EEPD1: variants seen among roughly 807,000 people sequenced by gnomAD.
EEPD1 encodes the protein endonuclease/exonuclease/phosphatase family domain-containing protein 1.
Under a neutral mutation model 46.3 loss-of-function variants are expected in EEPD1, and 17 were observed. That is an observed-to-expected ratio of 0.37 (90% CI 0.25 to 0.55). The LOEUF (loss-of-function observed/expected upper bound fraction) is 0.55. Among genes scored for constraint, EEPD1 ranks in the 20% least tolerant of loss-of-function variants. The pLI is 0.83. For synonymous variants in EEPD1, 313 were observed against 315.6 expected, an observed-to-expected ratio of 0.99 and a Z score of 0.09; for missense variants, 673 against 745.6, an observed-to-expected ratio of 0.90 and a Z score of 1.13.
In EEPD1 at chr7:36,299,358, C is replaced by T. The variant is rs2241142; in HGVS notation, c.*152C>T. 67,293 of 929,552 alleles carry T rather than the reference C, an allele frequency of 0.072. 3,265 individuals carry two copies. The highest frequency in any genetic ancestry group is 0.2 in the East Asian group (7,618 of 37,866). 57.6% of individuals were successfully genotyped at this position (929,552 alleles called of 1,614,324 possible). ...CCTTGCCCCACGCCTTCTCTGTGGA[C>T]CATTCAGGACCTCCAGTGGGGGTGG... On this transcript the variant is annotated 3_prime_UTR_variant, in exon 8 of 8. Coordinates refer to ENST00000242108, the MANE Select transcript of EEPD1 (RefSeq NM_030636.3).
intron 2 of EEPD1, among the ~76,000 whole-genome samples, chr7:36,175,525 C>G (rs970522201): frequency 2.8e-4 from 43 of 151,988 alleles, no homozygotes; most frequent in Middle Eastern, 3.2e-3. Context: ...AACCATTGTG[C>G]CTGACCCTGA....
At chr7:36,287,571 G>C in intron 5 of EEPD1, 68 bp from the exon 6 acceptor site, 1 of 1,555,422 alleles carries the variant, frequency 6.4e-7, no homozygotes, top group Non-Finnish European at 8.7e-7. Context: ...TTTATGAGTC[G>C]GTTGTAACGG....
intron 2 of EEPD1, among the ~76,000 whole-genome samples, chr7:36,157,791 A>T (rs190255837): frequency 1.3e-5 from 2 of 152,270 alleles, no homozygotes; most frequent in Admixed American, 1.3e-4. Context: ...CTTTGTCTGT[A>T]TGACTGTCCT....
At chr7:36,190,971 GGTCACTGACCTCTTC>G in intron 2 of EEPD1, among the ~76,000 whole-genome samples, 1 of 152,142 alleles carries the variant, frequency 6.6e-6, no homozygotes, top group African/African-American at 2.4e-5. Flanking sequence ...AGTCACTATC[GGTCACTGACCTCTTC>G]CCCAGAAAAG....
chr7:36,257,831 C>G (rs912257280), intron 3 of EEPD1, among the ~76,000 whole-genome samples: 10 of 152,288 alleles, frequency 6.6e-5, no homozygotes, highest in African/African-American at 2.4e-4. Flanking sequence ...TCTGTCAGTT[C>G]GTCAAACTCA....
At chr7:36,260,040 T>C in intron 3 of EEPD1, among the ~76,000 whole-genome samples, 1 of 152,248 alleles carries the variant, frequency 6.6e-6, no homozygotes, top group Non-Finnish European at 1.5e-5. Flanking sequence ...CTATGTATTA[T>C]AGGCCCAGCA....
At chr7:36,247,765 A>G (rs894380511) in intron 3 of EEPD1, among the ~76,000 whole-genome samples, 4 of 152,184 alleles carry the variant, frequency 2.6e-5, no homozygotes, top group Non-Finnish European at 4.4e-5. Context: ...TTTAATCTGA[A>G]CATCAGCCTT....
rs1784779095 is a variant in EEPD1, at chr7:36,154,385, AGCC to A, written c.64_66del (p.Arg22del). ...CAGGGACCCCTCGGACCTGTCCCAT[AGCC>A]GCAAGTTCAGCGCAGCCTGTAACTT... On this transcript the variant is annotated inframe_deletion, in exon 2 of 8. Transcript: ENST00000242108. This position sits in a 1 kb window ranked among gnomAD's most constrained non-coding sequence, Gnocchi z 4.2. The A allele has an allele frequency of 1.2e-6, 2 of 1,613,796 alleles. No individual in the cohort carries two copies. The highest frequency in any genetic ancestry group is 1.7e-6 in the Non-Finnish European group (2 of 1,180,042).
intron 3 of EEPD1, among the ~76,000 whole-genome samples, chr7:36,262,246 G>A (rs1322983667): frequency 6.6e-6 from 1 of 152,126 alleles, no homozygotes; most frequent in Non-Finnish European, 1.5e-5. Context: ...AGGGTGAAGT[G>A]CGGAGGATTG....
At position 36,155,072 on chromosome 7, in the gene EEPD1, G is replaced by T; in HGVS notation, c.748G>T (p.Ala250Ser). The T allele has an allele frequency of 1.3e-6, 2 of 1,590,704 alleles. No homozygotes were observed. Among genetic ancestry groups the T allele is most frequent in the Non-Finnish European group, 8.6e-7 (1 of 1,166,968 alleles). The stretch of plus-strand genomic sequence containing the variant: ...TATCTCCACTCGGCCGTCCGTGGAG[G>T]CCTTTGGAGGCACAAGGGATGGGAG... The part of the protein sequence containing the change: ...QIISTRPSVE[A>S]FGGTRDGRPV... The change falls in exon 2 of 8, where the codon GCC becomes TCC. Residue 250 changes from alanine to serine, a missense_variant. Physicochemically the swap from Ala to Ser is moderately conservative, Grantham distance 99. Transcript: ENST00000242108.
At chr7:36,259,664 C>T (rs1230340419) in intron 3 of EEPD1, among the ~76,000 whole-genome samples, 2 of 150,374 alleles carry the variant, frequency 1.3e-5, no homozygotes, top group Non-Finnish European at 3.0e-5. Flanking sequence ...CACACACCAC[C>T]ATGCCCGGCT....
chr7:36,260,253 C>T (rs542950027), intron 3 of EEPD1, among the ~76,000 whole-genome samples: 1 of 152,320 alleles, frequency 6.6e-6, no homozygotes, highest in African/African-American at 2.4e-5. Context: ...CTGTTAGCAA[C>T]AAATTCTCTC....
At position 36,154,182 on chromosome 7, in the gene EEPD1, T is replaced by G; in HGVS notation, c.-143T>G. 1 of 1,007,120 alleles carries G rather than the reference T, an allele frequency of 9.9e-7. No individual in the cohort carries two copies. The highest frequency in any genetic ancestry group is 1.6e-5 in the African/African-American group (1 of 61,594). 62.4% of individuals were successfully genotyped at this position (1,007,120 alleles called of 1,614,324 possible). On this transcript the variant is annotated 5_prime_UTR_variant, in exon 2 of 8. Coordinates refer to ENST00000242108, the MANE Select transcript of EEPD1 (RefSeq NM_030636.3). The surrounding 1 kb of genome is among the most constrained non-coding windows in gnomAD (Gnocchi z 4.2). ...GACACGCCAGGCATGGAAGATTCGGTGTTTGTCTATAGTAACCTCTTCAGT... is the reference window on the plus strand; with the variant it reads ...GACACGCCAGGCATGGAAGATTCGGGGTTTGTCTATAGTAACCTCTTCAGT...
chr7:36,206,484 A>G (rs1785820032), intron 2 of EEPD1, among the ~76,000 whole-genome samples: 1 of 152,150 alleles, frequency 6.6e-6, no homozygotes, highest in South Asian at 2.1e-4. Context: ...TCAGGTGCCC[A>G]GTGGCCACAT....
At chr7:36,255,742 G>A (rs564982356) in intron 3 of EEPD1, among the ~76,000 whole-genome samples, 1 of 152,206 alleles carries the variant, frequency 6.6e-6, no homozygotes, top group Admixed American at 6.5e-5. Context: ...CTGGCTAGTG[G>A]TCTATCTATT....
At chr7:36,168,757 CAA>C (rs370164080) in intron 2 of EEPD1, among the ~76,000 whole-genome samples, 1 of 131,564 alleles carries the variant, frequency 7.6e-6, no homozygotes. Context: ...GACTCTGTCT[CAA>C]AAAAAAAAAA....
chr7:36,163,561 G>A (rs1273476829), intron 2 of EEPD1, among the ~76,000 whole-genome samples: 1 of 152,148 alleles, frequency 6.6e-6, no homozygotes, highest in African/African-American at 2.4e-5. Flanking sequence ...TTTGCAGTTA[G>A]ACTCCAAAGT....
At position 36,154,802 on chromosome 7, in the gene EEPD1, A is replaced by G; in HGVS notation, c.478A>G (p.Ser160Gly). Reference sequence around the variant, plus strand: ...AGGCCTCTCGGAGAAAATGGCCCTCAGCATCGTGGACTTCCGCCGTGAGCA... The same window carrying G: ...AGGCCTCTCGGAGAAAATGGCCCTCGGCATCGTGGACTTCCGCCGTGAGCA... ...VRGLSEKMALSIVDFRREHGP... is the reference protein window; with the variant it reads ...VRGLSEKMALGIVDFRREHGP... The change falls in exon 2 of 8, where the codon AGC becomes GGC. Residue 160 changes from serine (S) to glycine (G), a missense_variant. Coordinates refer to ENST00000242108, the MANE Select transcript of EEPD1 (RefSeq NM_030636.3). This position sits in a 1 kb window ranked among gnomAD's most constrained non-coding sequence, Gnocchi z 4.2. The G allele has an allele frequency of 6.2e-7, 1 of 1,614,186 alleles. No individual in the cohort carries two copies. The highest frequency in any genetic ancestry group is 1.1e-5 in the South Asian group (1 of 91,082).
chr7:36,240,217 C>T (rs774724729), intron 3 of EEPD1, among the ~76,000 whole-genome samples: 6 of 152,138 alleles, frequency 3.9e-5, no homozygotes, highest in Non-Finnish European at 8.8e-5. Context: ...TACAGTGAGC[C>T]AAGATCATGC....
Sources: allele counts gnomAD v4.1 joint callset (sites outside exome capture counted in the v4.1 genomes callset), GRCh38; gene constraint gnomAD v4.1.1; non-coding constraint Gnocchi (gnomAD v3.1); transcripts MANE v1.5; gene names NCBI Gene and HGNC (gene_info 2026-07-23, HGNC 2026-07-21).